Variants in SDC3 observed in about 807,000 individuals in gnomAD.
The protein encoded by SDC3 is syndecan 3.
In SDC3, 13 loss-of-function variants were observed where a neutral mutation model predicts 24.4. The ratio of observed to expected loss-of-function variants is 0.53; its 90% CI spans 0.35 to 0.85. The LOEUF is 0.85. SDC3 is among the 40% of genes least tolerant of loss of function. SDC3 has a pLI of 0.01. For synonymous variants in SDC3, 295 were observed against 260.9 expected (o/e 1.13, Z -1.26); for missense variants, 571 against 584.5 (o/e 0.98, Z 0.24).
chr1:30,895,282 T>C (rs1363547990), intron 1 of SDC3, among the ~76,000 whole-genome samples: 10 of 152,128 alleles, frequency 6.6e-5, no homozygotes. Context: ...AACAGAAACA[T>C]GGCCTTAGCT....
chr1:30,886,150 A>G (rs1400576681), intron 1 of SDC3, among the ~76,000 whole-genome samples: 1 of 149,424 alleles, frequency 6.7e-6, no homozygotes. Context: ...AACTATTTAC[A>G]GTTCTGGGAA....
At chr1:30,892,453 A>T (rs1222862256) in intron 1 of SDC3, among the ~76,000 whole-genome samples, 1 of 152,062 alleles carries the variant, frequency 6.6e-6, no homozygotes, top group Non-Finnish European at 1.5e-5. Context: ...GAATGAATGA[A>T]TGAATGAATG....
intron 1 of SDC3, among the ~76,000 whole-genome samples, chr1:30,907,078 T>G (rs560947606): frequency 6.6e-6 from 1 of 152,202 alleles, no homozygotes; most frequent in East Asian, 1.9e-4. Flanking sequence ...CCTGTCTTAC[T>G]GACTGGCCCA....
chr1:30,903,822 G>A (rs1638462352), intron 1 of SDC3, among the ~76,000 whole-genome samples: 1 of 152,158 alleles, frequency 6.6e-6, no homozygotes, highest in Non-Finnish European at 1.5e-5. Flanking sequence ...CTGCAGCCCA[G>A]TCCCATTAGC....
At chr1:30,899,081 T>A (rs11807788) in intron 1 of SDC3, among the ~76,000 whole-genome samples, 4,644 of 152,292 alleles carry the variant, frequency 0.03, 89 homozygotes, top group Middle Eastern at 0.12. Flanking sequence ...ATCCACCCAC[T>A]TCTTCGTTTC....
At chr1:30,895,882 G>A (rs932680272) in intron 1 of SDC3, among the ~76,000 whole-genome samples, 1 of 151,646 alleles carries the variant, frequency 6.6e-6, no homozygotes, top group Non-Finnish European at 1.5e-5. Flanking sequence ...GGAGGGAGGG[G>A]GGCTGAGCAG....
chr1:30,874,668 G>C lies in SDC3; in HGVS notation c.871-80C>G, dbSNP rs140962870. 2,315 of 1,376,552 alleles carry C rather than the reference G, an allele frequency of 1.7e-3. 17 individuals are homozygous for C. The African/African-American group carries it at 0.026, about 16-fold the overall frequency. 85.3% of individuals were successfully genotyped at this position (1,376,552 alleles called of 1,614,324 possible). ...CACCACCATCCTACTGCCCTGGGGG[G>C]CTAACACTTAGCACTCCCTACATGC... On this transcript the variant is annotated intron_variant, in intron 3 of 4. Coordinates refer to ENST00000339394, the MANE Select transcript of SDC3 (RefSeq NM_014654.4).
At position 30,891,722 on chromosome 1, in the gene SDC3, G is replaced by A. The variant is rs754717036; in HGVS notation, c.139-12982C>T. ...ACAAAAATTAGCTGGGCATGGTGGCGCACACCTGTAATCCCAGCTACTCAG... is the reference window on the plus strand; with the variant it reads ...ACAAAAATTAGCTGGGCATGGTGGCACACACCTGTAATCCCAGCTACTCAG... On this transcript the variant is annotated intron_variant, in intron 1 of 4. Transcript: ENST00000339394. Among the ~76,000 whole-genome samples, 89 of 151,870 alleles carry A rather than the reference G, an allele frequency of 5.9e-4. 1 individual carries two copies. Among genetic ancestry groups the A allele is most frequent in the Non-Finnish European group, 6.9e-4 (47 of 67,970 alleles).
At chr1:30,902,262 C>G (rs1638427849) in intron 1 of SDC3, among the ~76,000 whole-genome samples, 1 of 152,254 alleles carries the variant, frequency 6.6e-6, no homozygotes, top group African/African-American at 2.4e-5. Flanking sequence ...CCGCCACCCC[C>G]ACTGCTGGGC....
chr1:30,892,332 G>A (rs1639918382), intron 1 of SDC3, among the ~76,000 whole-genome samples: 1 of 152,110 alleles, frequency 6.6e-6, no homozygotes, highest in Non-Finnish European at 1.5e-5. Flanking sequence ...CAGAAGCCCA[G>A]CTTCTGCCAG....
chr1:30,891,598 C>A (rs971272291), intron 1 of SDC3, among the ~76,000 whole-genome samples: 3 of 152,126 alleles, frequency 2.0e-5, no homozygotes, highest in African/African-American at 7.2e-5. Context: ...GAGGAGGAGG[C>A]CAGGAGCAGT....
In SDC3 at chr1:30,876,740, CG is replaced by C; in HGVS notation, c.681del (p.Glu228ArgfsTer71). The C allele has an allele frequency of 6.3e-7, 1 of 1,589,558 alleles. No homozygotes were observed. Among genetic ancestry groups the C allele is most frequent in the Non-Finnish European group, 8.6e-7 (1 of 1,167,586 alleles). On this transcript the variant is annotated frameshift_variant, in exon 3 of 5. Coordinates refer to ENST00000339394, the MANE Select transcript of SDC3 (RefSeq NM_014654.4). LOFTEE classifies it high-confidence loss of function. Reference protein sequence around the residue: ...TTVATARATTPEAPSPPTTAA... With the variant: ...TTVATARATTXEAPSPPTTAA... ...GCCGTGGTGGGCGGGGAGGGCGCCT[CG>C]GGGGTAGTGGCCCGTGCCGTAGCCA...
intron 1 of SDC3, among the ~76,000 whole-genome samples, chr1:30,894,869 G>C (rs1433066026): frequency 2.0e-5 from 3 of 152,014 alleles, no homozygotes; most frequent in Non-Finnish European, 4.4e-5. Flanking sequence ...TTAGATGCCT[G>C]TGTGGGTCTG....
chr1:30,904,299 T>A (rs1043621274), intron 1 of SDC3, among the ~76,000 whole-genome samples: 1 of 152,086 alleles, frequency 6.6e-6, no homozygotes, highest in Non-Finnish European at 1.5e-5. Flanking sequence ...AATAAGCCGA[T>A]ACATGTAAAG....
chr1:30,890,628 A>G (rs990100409), intron 1 of SDC3, among the ~76,000 whole-genome samples: 6 of 152,234 alleles, frequency 3.9e-5, no homozygotes, highest in Admixed American at 6.5e-5. Flanking sequence ...TTAGATGGGC[A>G]AGATGTATAT....
In SDC3 at chr1:30,874,121, G is replaced by A. The variant is rs564009857; in HGVS notation, c.1162+176C>T. Among the ~76,000 whole-genome samples, 7 of 152,264 alleles carry A rather than the reference G, an allele frequency of 4.6e-5. No homozygotes were observed. The East Asian group carries it at 7.7e-4, about 17-fold the overall frequency. ...GGATATTGGGAAGGAGGAAAGTTGG[G>A]AGGAGCCAGAAGGCAGGTCCTGGGG... On this transcript the variant is annotated intron_variant, in intron 4 of 4. Coordinates refer to ENST00000339394, the MANE Select transcript of SDC3 (RefSeq NM_014654.4).
intron 1 of SDC3, among the ~76,000 whole-genome samples, chr1:30,898,085 G>A (rs1638318232): frequency 7.3e-6 from 1 of 136,920 alleles, no homozygotes; most frequent in Non-Finnish European, 1.6e-5. Flanking sequence ...AACAAGAACT[G>A]AGGCACAGGG....
At chr1:30,898,903 C>T (rs1043479636) in intron 1 of SDC3, among the ~76,000 whole-genome samples, 3 of 152,220 alleles carry the variant, frequency 2.0e-5, no homozygotes, top group African/African-American at 7.2e-5. Flanking sequence ...CTCTGAGACA[C>T]AACCACCTTG....
intron 3 of SDC3, among the ~76,000 whole-genome samples, chr1:30,875,178 T>C (rs754251533): frequency 6.6e-6 from 1 of 152,164 alleles, no homozygotes; most frequent in Non-Finnish European, 1.5e-5. Context: ...CTGGGAATGA[T>C]GAGACCAAAG....
Sources: allele counts gnomAD v4.1 joint callset (sites outside exome capture counted in the v4.1 genomes callset), GRCh38; gene constraint gnomAD v4.1.1; transcripts MANE v1.5; gene names NCBI Gene and HGNC (gene_info 2026-07-23, HGNC 2026-07-21).